Variants in DYNC2H1 observed in about 807,000 individuals in gnomAD.
DYNC2H1 encodes the protein cytoplasmic dynein 2 heavy chain 1.
DYNC2H1 carries 410 observed loss-of-function variants against 570.0 expected under a neutral mutation model. The observed-to-expected ratio is 0.72, with a 90% CI of 0.66 to 0.78. DYNC2H1 has a LOEUF of 0.78. DYNC2H1 is among the 30% of genes least tolerant of loss of function. DYNC2H1 has a pLI of 0.00. For missense variants in DYNC2H1, 4,865 were observed against 5,046.4 expected, an observed-to-expected ratio of 0.96 and a Z score of 1.09; for synonymous variants, 1,688 against 1,677.6, an observed-to-expected ratio of 1.01 and a Z score of -0.15.
At chr11:103,297,827 C>T (rs1209247314) in intron 75 of DYNC2H1, among the ~76,000 whole-genome samples, 5 of 152,090 alleles carry the variant, frequency 3.3e-5, no homozygotes, top group African/African-American at 1.2e-4. Flanking sequence ...TAGTACCAAC[C>T]TAATACAAGC....
intron 54 of DYNC2H1, among the ~76,000 whole-genome samples, chr11:103,214,312 G>T (rs964723595): frequency 6.6e-6 from 1 of 151,758 alleles, no homozygotes; most frequent in African/African-American, 2.4e-5. Flanking sequence ...GCTCTTTTGT[G>T]GTTTCAAACA....
intron 17 of DYNC2H1, among the ~76,000 whole-genome samples, chr11:103,141,134 C>G (rs1398315275): frequency 1.3e-5 from 2 of 152,116 alleles, no homozygotes; most frequent in Non-Finnish European, 2.9e-5. Flanking sequence ...TTTTTAACTT[C>G]TTTGCCTTTG....
In DYNC2H1 at chr11:103,173,137, G is replaced by T. The variant is rs1217144483; in HGVS notation, c.5390G>T (p.Gly1797Val). 1.3e-6 allele frequency: 2 copies of T among 1,541,518 alleles called. No homozygotes were observed. The highest frequency in any genetic ancestry group is 1.7e-6 in the Non-Finnish European group (2 of 1,143,864). The change falls in exon 35 of 89, where the codon GGT (glycine) becomes GTT (valine). Residue 1797 changes from glycine to valine, a missense_variant. Physicochemically the swap from Gly to Val is moderately radical, Grantham distance 109. Around this residue, in one of 5 missense-constraint regions of DYNC2H1, gnomAD observed 292 missense variants for 300.2 expected, o/e 0.97. Coordinates refer to ENST00000375735, the MANE Select transcript of DYNC2H1 (RefSeq NM_001377.3). ...IFITMNPAGKGYGGRQKLPDN... is the reference protein window; with the variant it reads ...IFITMNPAGKVYGGRQKLPDN... ...ATCACTATGAATCCTGCTGGAAAAG[G>T]TTATGGAGGAAGACAAAAACTGCCT...
At chr11:103,223,435 T>C (rs1863672526) in intron 59 of DYNC2H1, among the ~76,000 whole-genome samples, 1 of 152,164 alleles carries the variant, frequency 6.6e-6, no homozygotes, top group Non-Finnish European at 1.5e-5. Context: ...TTGCCCAGGC[T>C]GGATTGCAGT....
chr11:103,152,348 A>C (rs1469842608), intron 21 of DYNC2H1, 63 bp downstream of exon 21: 1 of 1,454,682 alleles, frequency 6.9e-7, no homozygotes, highest in Non-Finnish European at 9.3e-7. Context: ...TTTCTTGCTT[A>C]TCTTTTATTC....
intron 84 of DYNC2H1, among the ~76,000 whole-genome samples, chr11:103,423,960 A>G (rs1396311558): frequency 6.6e-6 from 1 of 152,154 alleles, no homozygotes; most frequent in Non-Finnish European, 1.5e-5. Context: ...TTCCACTTAT[A>G]ATAGCATTGA....
intron 83 of DYNC2H1, among the ~76,000 whole-genome samples, chr11:103,370,754 A>G (rs973166551): frequency 6.6e-6 from 1 of 152,192 alleles, no homozygotes; most frequent in Non-Finnish European, 1.5e-5. Context: ...CAAGAACCAC[A>G]ATATTACTGG....
At chr11:103,306,532 T>G (rs1287692381) in intron 77 of DYNC2H1, among the ~76,000 whole-genome samples, 1 of 152,094 alleles carries the variant, frequency 6.6e-6, no homozygotes, top group Non-Finnish European at 1.5e-5. Context: ...ACCTTTTAAA[T>G]TTTTTTAGAT....
chr11:103,315,049 A>G (rs1405522507), intron 79 of DYNC2H1, among the ~76,000 whole-genome samples: 1 of 152,060 alleles, frequency 6.6e-6, no homozygotes, highest in Non-Finnish European at 1.5e-5. Context: ...AAATCTGCTA[A>G]CAGCAAAATT....
At chr11:103,337,110 C>T (rs939101323) in intron 82 of DYNC2H1, among the ~76,000 whole-genome samples, 2 of 152,178 alleles carry the variant, frequency 1.3e-5, no homozygotes, top group Non-Finnish European at 2.9e-5. Flanking sequence ...CAAACAATAG[C>T]GTGAGGGATC....
intron 83 of DYNC2H1, among the ~76,000 whole-genome samples, chr11:103,377,434 A>G (rs1941437904): frequency 1.3e-5 from 2 of 151,930 alleles, no homozygotes; most frequent in Admixed American, 1.3e-4. Flanking sequence ...TTTATTTTCA[A>G]TAAAGTAACA....
intron 1 of DYNC2H1, among the ~76,000 whole-genome samples, chr11:103,110,800 C>T (rs577404288): frequency 5.4e-4 from 82 of 151,366 alleles, no homozygotes; most frequent in African/African-American, 1.9e-3. Context: ...GTTTTTGACA[C>T]TCAGCAAAAA....
chr11:103,473,478 T>C (rs1353206225), intron 88 of DYNC2H1, among the ~76,000 whole-genome samples: 1 of 152,160 alleles, frequency 6.6e-6, no homozygotes, highest in Non-Finnish European at 1.5e-5. Context: ...TTCCAGTGCA[T>C]TTCTTAACAT....
chr11:103,377,761 C>A (rs1391179356), intron 83 of DYNC2H1, among the ~76,000 whole-genome samples: 1 of 143,306 alleles, frequency 7.0e-6, no homozygotes, highest in Non-Finnish European at 1.5e-5. Flanking sequence ...TCTTTTGAGA[C>A]AGTCTCGCTC....
chr11:103,427,588 C>T (rs1305266342), intron 84 of DYNC2H1, among the ~76,000 whole-genome samples: 2 of 152,032 alleles, frequency 1.3e-5, no homozygotes, highest in African/African-American at 2.4e-5. Context: ...CTGGGAAGTC[C>T]AAGATCAAAG....
intron 85 of DYNC2H1, among the ~76,000 whole-genome samples, chr11:103,450,350 C>T (rs557439971): frequency 1.6e-4 from 24 of 152,182 alleles, no homozygotes; most frequent in Non-Finnish European, 3.1e-4. Flanking sequence ...CACTATTAGC[C>T]AGATTAATAT....
intron 82 of DYNC2H1, among the ~76,000 whole-genome samples, chr11:103,333,363 A>G (rs918093968): frequency 1.3e-5 from 2 of 152,158 alleles, no homozygotes; most frequent in African/African-American, 4.8e-5. Context: ...TCCCGGGTTC[A>G]TGCCATTCTC....
chr11:103,312,874 T>C (rs1867665183), intron 79 of DYNC2H1, among the ~76,000 whole-genome samples: 1 of 152,208 alleles, frequency 6.6e-6, no homozygotes, highest in African/African-American at 2.4e-5. Context: ...GTCTGCTTCC[T>C]CAGTCTATAA....
At chr11:103,317,649 T>G in intron 80 of DYNC2H1, among the ~76,000 whole-genome samples, 1 of 152,194 alleles carries the variant, frequency 6.6e-6, no homozygotes, top group South Asian at 2.1e-4. Context: ...TTGTTCTTAC[T>G]TGAAGGTTTT....
Sources: gnomAD v4.1 joint callset for allele counts (sites outside exome capture counted in the v4.1 genomes callset) on GRCh38, gnomAD v4.1.1 for gene constraint, gnomAD v4.1.1 regional missense constraint, MANE v1.5 for transcripts, NCBI Gene and HGNC (gene_info 2026-07-23, HGNC 2026-07-21) for gene names.